TYW5: variants seen among roughly 807,000 people sequenced by gnomAD.
TYW5 encodes tRNA-yW synthesizing protein 5, also known as tRNA wybutosine-synthesizing protein 5.
A neutral mutation model predicts 44.4 loss-of-function variants in TYW5; 36 were observed. The ratio of observed to expected loss-of-function variants is 0.81; its 90% confidence interval spans 0.62 to 1.07. TYW5 has a LOEUF of 1.07. Ranked by LOEUF, TYW5 falls within the 50% of genes least tolerant of loss-of-function variation. TYW5 has a pLI of 0.00. For missense variants in TYW5, 354 were observed against 365.7 expected (o/e 0.97, Z 0.26); for synonymous variants, 121 against 128.1 (o/e 0.94, Z 0.37).
Position 199,933,310 on chromosome 2 carries a change from A to G in TYW5, c.705T>C (p.His235=). ...CTCCAAACTCTTCAGAAATTACATT[A>G]TGGAACCATAAAGCTGGAGAAAGTT... is the stretch of plus-strand genomic sequence containing the variant. ...DVLFIPALWF[H]NVISEEFGVG... The change falls in exon 8 of 8, where the codon CAT becomes CAC. Residue 235 remains histidine, a synonymous_variant. Transcript: ENST00000354611. The G allele has an allele frequency of 6.2e-7, 1 of 1,607,494 alleles. No individual in the cohort carries two copies.
At chr2:199,954,454 C>A (rs4673611) in intron 1 of TYW5, among the ~76,000 whole-genome samples, 127,912 of 152,022 alleles carry the variant, frequency 0.84, 53,984 homozygotes, top group South Asian at 0.91. Context: ...TGTTTGAGAC[C>A]GAGTTTAGCT....
intron 4 of TYW5, 114 bp from the exon 5 acceptor site, chr2:199,939,184 A>C: frequency 1.1e-6 from 1 of 891,100 alleles, no homozygotes. Flanking sequence ...ACCATGTGCC[A>C]ATACATGATC....
chr2:199,932,886 AGTG>A lies in TYW5; in HGVS notation c.*178_*180del. 1 of 669,144 alleles carries A rather than the reference AGTG, an allele frequency of 1.5e-6. No individual in the cohort carries two copies. Among genetic ancestry groups the A allele is most frequent in the South Asian group, 2.4e-5 (1 of 42,138 alleles). The allele number at this position is 669,144 out of a possible 1,614,324, so 41.5% of individuals were successfully genotyped here. On this transcript the variant is annotated 3_prime_UTR_variant, in exon 8 of 8. Transcript: ENST00000354611. ...AGTGGTCAGCATCTGAATGTTAAAG[AGTG>A]GTCCCAGCACAGCATTCTTTAATTA...
Position 199,949,740 on chromosome 2 carries a change from G to A in TYW5, c.79-1268C>T, listed in dbSNP as rs189159604. Among the ~76,000 whole-genome samples the A allele has an allele frequency of 6.9e-4, 105 of 152,266 alleles. No individual in the cohort carries two copies. The Middle Eastern group carries it at 0.014, about 20-fold the overall frequency. ...CAGCATGCCACATCAGGTAGCACAC[G>A]ATGTTTTGCTATGATGAGTGCAAAA... On this transcript the variant is annotated intron_variant, in intron 1 of 7. Coordinates refer to ENST00000354611, the MANE Select transcript of TYW5 (RefSeq NM_001039693.3).
rs532241373 is a variant in TYW5, at chr2:199,928,982, C to T, written c.*4085G>A. On this transcript the variant is annotated 3_prime_UTR_variant, in exon 8 of 8. Transcript: ENST00000354611. ...ACAAAAGGTAGTATTCATAAAAGAG[C>T]TATTTTGTTTTATTTCACTTGAAGT... 2.0e-5 allele frequency among the ~76,000 whole-genome samples: 3 copies of T among 152,202 alleles called. No homozygotes were observed. Among genetic ancestry groups the T allele is most frequent in the South Asian group, 4.1e-4 (2 of 4,822 alleles).
At chr2:199,954,275 T>A (rs2105717880) in intron 1 of TYW5, among the ~76,000 whole-genome samples, 1 of 150,920 alleles carries the variant, frequency 6.6e-6, no homozygotes. Flanking sequence ...CTAATTTTTG[T>A]ATTTTTTGTA....
chr2:199,946,572 C>T (rs1213750615), intron 2 of TYW5: 1 of 152,166 alleles, frequency 6.6e-6, no homozygotes, highest in Non-Finnish European at 1.5e-5. Context: ...ACAATGAGCA[C>T]TACCAATAAG....
chr2:199,932,943 C>A lies in TYW5; in HGVS notation c.*124G>T. On this transcript the variant is annotated 3_prime_UTR_variant, in exon 8 of 8. Coordinates refer to ENST00000354611, the MANE Select transcript of TYW5 (RefSeq NM_001039693.3). ...CAATCTGTATCAAGTAGAATCCACA[C>A]AAACACCCCTTCGTACTTACATAAT... 3 of 1,143,946 alleles carry A rather than the reference C, an allele frequency of 2.6e-6. No homozygotes were observed. Among genetic ancestry groups the A allele is most frequent in the East Asian group, 2.5e-5 (1 of 40,466 alleles). The allele number at this position is 1,143,946 out of a possible 1,614,324, so 70.9% of individuals were successfully genotyped here.
chr2:199,953,743 C>CT (rs372893993), intron 1 of TYW5, among the ~76,000 whole-genome samples: 2 of 152,120 alleles, frequency 1.3e-5, no homozygotes, highest in African/African-American at 2.4e-5. Context: ...ATAGAAAGGT[C>CT]TTTTTTTCCA....
intron 3 of TYW5, 71 bp downstream of exon 3, chr2:199,943,694 T>C: frequency 1.6e-6 from 2 of 1,261,466 alleles, no homozygotes; most frequent in Non-Finnish European, 2.2e-6. Context: ...GTATCTACTA[T>C]TCTTTCATAA....
intron 3 of TYW5, chr2:199,943,126 G>C (rs1211269643): frequency 2.6e-5 from 4 of 152,214 alleles, no homozygotes; most frequent in African/African-American, 9.7e-5. Context: ...AAAGTGCTGG[G>C]ATTACAGGCG....
chr2:199,938,970 A>T lies in TYW5; in HGVS notation c.449T>A (p.Ile150Asn), dbSNP rs1307137452. The T allele has an allele frequency of 1.2e-6, 2 of 1,613,364 alleles. No homozygotes were observed. Among genetic ancestry groups the T allele is most frequent in the African/African-American group, 2.7e-5 (2 of 74,884 alleles). The stretch of plus-strand genomic sequence containing the variant: ...CCATAGTTGTAATCCTGGTGAACTA[A>T]TTCGAAAAACACTGGAAAAGAACTG... Reference protein sequence around the residue: ...EEQFFSSVFRISSPGLQLWTH... With the variant: ...EEQFFSSVFRNSSPGLQLWTH... The change falls in exon 5 of 8, where the codon ATT becomes AAT. Residue 150 changes from isoleucine (I) to asparagine (N), a missense_variant. Coordinates refer to ENST00000354611, the MANE Select transcript of TYW5 (RefSeq NM_001039693.3).
chr2:199,950,305 G>A (rs929493245), intron 1 of TYW5, among the ~76,000 whole-genome samples: 1 of 152,008 alleles, frequency 6.6e-6, no homozygotes, highest in African/African-American at 2.4e-5. Flanking sequence ...TTCAGCAGTG[G>A]GAAACCTAGT....
intron 2 of TYW5, chr2:199,944,257 C>G (rs946505427): frequency 6.2e-6 from 1 of 160,818 alleles, no homozygotes; most frequent in Non-Finnish European, 1.4e-5. Flanking sequence ...TTGGAAGAGA[C>G]AGTACACAAA....
chr2:199,937,409 T>C (rs1257156809), intron 5 of TYW5, among the ~76,000 whole-genome samples: 2 of 151,926 alleles, frequency 1.3e-5, no homozygotes, highest in Non-Finnish European at 2.9e-5. Context: ...ATGCCTGTAA[T>C]CCTAGTACTT....
At chr2:199,935,721 C>A (rs1303823696) in intron 7 of TYW5, among the ~76,000 whole-genome samples, 1 of 2,500 alleles carries the variant, frequency 4.0e-4, no homozygotes, top group Non-Finnish European at 1.4e-3. Flanking sequence ...CTGCTTTAAA[C>A]ACACACACAC....
At chr2:199,936,088 T>C (rs1477938632) in intron 6 of TYW5, 41 bp from the exon 7 acceptor site, 2 of 1,159,216 alleles carry the variant, frequency 1.7e-6, no homozygotes, top group South Asian at 1.3e-5. Context: ...TTCAGCAAAG[T>C]TAGCATTTTA....
At chr2:199,948,655 T>C (rs1479308728) in intron 1 of TYW5, among the ~76,000 whole-genome samples, 183 bp from the exon 2 acceptor site, 1 of 152,204 alleles carries the variant, frequency 6.6e-6, no homozygotes, top group African/African-American at 2.4e-5. Context: ...ATGAAATATC[T>C]AGAACAAAAT....
At chr2:199,935,080 A>G (rs909152989) in intron 7 of TYW5, among the ~76,000 whole-genome samples, 3 of 152,086 alleles carry the variant, frequency 2.0e-5, no homozygotes, top group African/African-American at 7.2e-5. Context: ...TAATTTACAA[A>G]ACCAATCAGT....
Sources: gnomAD v4.1 joint callset for allele counts (sites outside exome capture counted in the v4.1 genomes callset) on GRCh38, gnomAD v4.1.1 for gene constraint, MANE v1.5 for transcripts, NCBI Gene and HGNC (gene_info 2026-07-23, HGNC 2026-07-21) for gene names.